SLAMF9: variants seen among roughly 807,000 people sequenced by gnomAD.
SLAMF9 encodes SLAM family member 9, also known as CD2 family member 10.
A neutral mutation model predicts 30.4 loss-of-function variants in SLAMF9; 25 were observed. The observed-to-expected ratio is 0.82, with a 90% CI of 0.60 to 1.15. The LOEUF is 1.15. Among genes scored for constraint, SLAMF9 ranks in the 50% most tolerant of loss-of-function variants. SLAMF9 has a pLI of 0.00. For missense variants in SLAMF9, 344 were observed against 346.1 expected (o/e 0.99, Z 0.05); for synonymous variants, 129 against 127.2 (o/e 1.01, Z -0.09).
At chr1:159,978,435 G>A in the SLAMF9 span, among the ~76,000 whole-genome samples, 4 of 152,158 alleles carry the variant, frequency 2.6e-5, no homozygotes, top group African/African-American at 9.7e-5. Context: ...CTACCTTAAG[G>A]TAGGTAGATG....
chr1:159,967,434 T>A, the SLAMF9 span, among the ~76,000 whole-genome samples: 13 of 152,342 alleles, frequency 8.5e-5, no homozygotes, highest in East Asian at 2.5e-3. Flanking sequence ...CAATCAACTA[T>A]AAATGCATTG....
the SLAMF9 span, among the ~76,000 whole-genome samples, chr1:159,977,654 C>A: frequency 6.6e-6 from 1 of 152,142 alleles, no homozygotes; most frequent in Non-Finnish European, 1.5e-5. Flanking sequence ...TAGATGTTTG[C>A]CACCAGGAAC....
chr1:159,965,210 A>G, the SLAMF9 span, among the ~76,000 whole-genome samples: 5 of 152,240 alleles, frequency 3.3e-5, no homozygotes, highest in Non-Finnish European at 4.4e-5. Context: ...GGGGGAAAGC[A>G]ATACACAACA....
At chr1:159,953,721 AG>A in intron 1 of SLAMF9, 68 bp from the exon 2 acceptor site, 6 of 1,388,388 alleles carry the variant, frequency 4.3e-6, no homozygotes, top group Non-Finnish European at 5.9e-6. Context: ...CTGGCAGTGG[AG>A]CTGCCAGAGT....
upstream of SLAMF9, among the ~76,000 whole-genome samples, chr1:159,954,896 T>C (rs1015617241): frequency 6.6e-6 from 1 of 152,032 alleles, no homozygotes; most frequent in African/African-American, 2.4e-5. Flanking sequence ...CTGGCCAACA[T>C]GGTGAAACCC....
At chr1:159,970,566 A>G in the SLAMF9 span, among the ~76,000 whole-genome samples, 1 of 152,368 alleles carries the variant, frequency 6.6e-6, no homozygotes, top group Admixed American at 6.5e-5. Context: ...ATAGCCATGG[A>G]TAGAACACTA....
the SLAMF9 span, chr1:159,972,998 C>G: frequency 1.4e-6 from 2 of 1,401,854 alleles, no homozygotes. Flanking sequence ...CTCATTTACC[C>G]TGCACTCTGA....
upstream of SLAMF9, among the ~76,000 whole-genome samples, chr1:159,956,353 C>A (rs1013568739): frequency 7.9e-5 from 12 of 151,978 alleles, no homozygotes; most frequent in African/African-American, 2.7e-4. Context: ...GCCTGTAATC[C>A]TTGCTATATG....
the SLAMF9 span, among the ~76,000 whole-genome samples, chr1:159,980,044 A>G: frequency 6.6e-6 from 1 of 152,102 alleles, no homozygotes; most frequent in Non-Finnish European, 1.5e-5. Context: ...GGTCGGGGAG[A>G]AGATTGGGAT....
chr1:159,980,584 CAGGCTGG>C, the SLAMF9 span: 2 of 152,400 alleles, frequency 1.3e-5, no homozygotes, highest in Non-Finnish European at 2.9e-5. Context: ...TCTTGTTGCC[CAGGCTGG>C]AGTGCAATGG....
At chr1:159,963,064 G>A in the SLAMF9 span, among the ~76,000 whole-genome samples, 1 of 152,200 alleles carries the variant, frequency 6.6e-6, no homozygotes, top group Admixed American at 6.5e-5. Context: ...GCATGCCTCT[G>A]GAACCAAACT....
upstream of SLAMF9, among the ~76,000 whole-genome samples, chr1:159,956,596 G>C (rs1651926544): frequency 6.6e-6 from 1 of 152,144 alleles, no homozygotes; most frequent in East Asian, 1.9e-4. Flanking sequence ...AGCTAGGTAA[G>C]AAGAGTTTTG....
Position 159,953,623 on chromosome 1 carries a change from C to G in SLAMF9, c.77G>C (p.Gly26Ala). ...GSQRRLWRWC[G>A]SEEVVAVLQE... ...AAGGACCGCAACCACTTCCTCGGAT[C>G]CACACCATCTCCAGAGTCTCCTTTG... is the stretch of plus-strand genomic sequence containing the variant. Residue 26 changes from glycine to alanine, a missense_variant, in exon 2 of 4, where the codon GGA becomes GCA. Gly to Ala is a moderately conservative substitution (Grantham distance 60, BLOSUM62 0). Transcript: ENST00000368093. 6.2e-7 allele frequency: 1 copy of G among 1,610,004 alleles called. No homozygotes were observed. Among genetic ancestry groups the G allele is most frequent in the African/African-American group, 1.3e-5 (1 of 75,012 alleles).
At chr1:159,974,371 C>T in the SLAMF9 span, among the ~76,000 whole-genome samples, 47 of 152,250 alleles carry the variant, frequency 3.1e-4, no homozygotes, top group African/African-American at 1.0e-3. Context: ...TCCCCATTGA[C>T]ATATTTGGTT....
chr1:159,953,306 C>CA lies in SLAMF9; in HGVS notation c.391+2dup, dbSNP rs1383684668. 2.5e-6 allele frequency: 4 copies of CA among 1,592,862 alleles called. No individual in the cohort carries two copies. The highest frequency in any genetic ancestry group is 3.4e-6 in the Non-Finnish European group (4 of 1,163,080). ...AGCTTTATGGTTCCCAGCCTAAACT[C>CA]ACGGTAGACACATATATTGTACTGC... On this transcript the variant is annotated splice_region_variant and intron_variant, in intron 2 of 3. Transcript: ENST00000368093.
rs777580025 is a variant in SLAMF9 at position 159,953,642 on chromosome 1, T to G, written c.58A>C (p.Arg20=). 3 of 1,600,494 alleles carry G rather than the reference T, an allele frequency of 1.9e-6. No individual in the cohort carries two copies. Among genetic ancestry groups the G allele is most frequent in the Admixed American group, 3.4e-5 (2 of 59,520 alleles). ...LLLLQEGSQR[R]LWRWCGSEEV... Reference sequence around the variant, plus strand: ...TCGGATCCACACCATCTCCAGAGTCTCCTTTGGCTGCCTATGCAGGAAGAA... The same window carrying G: ...TCGGATCCACACCATCTCCAGAGTCGCCTTTGGCTGCCTATGCAGGAAGAA... The change falls in exon 2 of 4, where the codon AGA becomes CGA. Residue 20 remains arginine (R), a synonymous_variant. Transcript: ENST00000368093.
At chr1:159,954,055 G>A (rs752088749) in intron 1 of SLAMF9, 37 bp downstream of exon 1, 6 of 1,613,396 alleles carry the variant, frequency 3.7e-6, no homozygotes, top group Middle Eastern at 1.7e-4. Flanking sequence ...AGAGGTGTAG[G>A]GGACATTCCT....
the SLAMF9 span, among the ~76,000 whole-genome samples, chr1:159,961,955 G>A: frequency 4.0e-5 from 6 of 151,550 alleles, no homozygotes; most frequent in African/African-American, 1.2e-4. Context: ...TCAAGAGTTC[G>A]AGACCAGCCC....
the SLAMF9 span, chr1:159,973,247 G>A: frequency 1.1e-6 from 1 of 924,572 alleles, no homozygotes; most frequent in South Asian, 1.4e-5. Flanking sequence ...GCTCAGGAGT[G>A]GGGGCGACAC....
Sources: allele counts gnomAD v4.1 joint callset (sites outside exome capture counted in the v4.1 genomes callset), GRCh38; gene constraint gnomAD v4.1.1; transcripts MANE v1.5; gene names NCBI Gene and HGNC (gene_info 2026-07-23, HGNC 2026-07-21).